The following PTBP2 variants were observed in gnomAD, a reference collection of about 807,000 sequenced individuals.
The protein encoded by PTBP2 is polypyrimidine tract binding protein 2.
A neutral mutation model predicts 61.4 loss-of-function variants in PTBP2; 13 were observed. The observed-to-expected ratio is 0.21, with a 90% confidence interval of 0.14 to 0.34. The LOEUF (loss-of-function observed/expected upper bound fraction) is 0.34, where lower values mean the gene tolerates loss of function less well. Among genes scored for constraint, PTBP2 ranks in the 10% least tolerant of loss-of-function variants. PTBP2 has a pLI of 1.00. For missense variants in PTBP2, 405 were observed against 642.6 expected (o/e 0.63, Z 4.00); for synonymous variants, 215 against 218.5 (o/e 0.98, Z 0.14).
At chr1:96,820,686 T>C (rs1056419532) in exon 14 of PTBP2, 4 of 152,032 alleles carry the variant, frequency 2.6e-5, no homozygotes, top group African/African-American at 9.7e-5. Flanking sequence ...CTTCAGGTCT[T>C]TTTCAAGATA....
chr1:96,724,168 C>T lies in PTBP2; in HGVS notation c.39+574C>T, dbSNP rs1407890667. ...CCTTCCTTTTTGGCTAAGAAAACTA[C>T]TCATCGTTTAAACTTTAGTTCTAAT... is the stretch of plus-strand genomic sequence containing the variant. On this transcript the variant is annotated intron_variant, in intron 2 of 13. Transcript: ENST00000674951. Among the ~76,000 whole-genome samples the T allele has an allele frequency of 2.6e-5, 4 of 152,264 alleles. No homozygotes were observed. In the South Asian group the frequency reaches 6.2e-4, roughly 24 times the overall value.
intron 2 of PTBP2, among the ~76,000 whole-genome samples, chr1:96,741,603 C>T (rs991252379): frequency 2.0e-5 from 3 of 152,120 alleles, no homozygotes; most frequent in African/African-American, 7.2e-5. Context: ...TCTCTCCTCT[C>T]TCTGACCTGT....
chr1:96,806,359 C>T, intron 9 of PTBP2, 60 bp from the exon 10 acceptor site: 5 of 1,309,110 alleles, frequency 3.8e-6, no homozygotes, highest in Non-Finnish European at 5.5e-6. Flanking sequence ...TTCATCTCCG[C>T]TCTTCCTCGA....
intron 3 of PTBP2, among the ~76,000 whole-genome samples, chr1:96,758,076 A>G (rs1189194152): frequency 6.6e-6 from 1 of 152,224 alleles, no homozygotes; most frequent in Non-Finnish European, 1.5e-5. Flanking sequence ...TATAACATAA[A>G]TAATATAAAG....
At chr1:96,729,235 T>A (rs1261317191) in intron 2 of PTBP2, among the ~76,000 whole-genome samples, 1 of 152,180 alleles carries the variant, frequency 6.6e-6, no homozygotes, top group Non-Finnish European at 1.5e-5. Flanking sequence ...TTGGCCAGGC[T>A]GGTCTGGAAC....
Position 96,737,746 on chromosome 1 carries a change from G to A in PTBP2, c.40-13679G>A, listed in dbSNP as rs527997058. On this transcript the variant is annotated intron_variant, in intron 2 of 13. Transcript: ENST00000674951. ...GTAGTTTTTGACAGTAATATGGAGA[G>A]CTTTGAGTGCAAAGGATTTGCAGTG... is the stretch of plus-strand genomic sequence containing the variant. Among the ~76,000 whole-genome samples the A allele has an allele frequency of 5.9e-5, 9 of 152,314 alleles. No homozygotes were observed. In the East Asian group the frequency reaches 1.7e-3, roughly 29 times the overall value.
chr1:96,813,149 T>A (rs1307455645), intron 13 of PTBP2, 43 bp downstream of exon 13: 2 of 1,559,836 alleles, frequency 1.3e-6, no homozygotes, highest in East Asian at 2.2e-5. Flanking sequence ...CCTGATAAAA[T>A]TTTTAAGTAG....
At chr1:96,722,953 A>G (rs1158298075) in intron 1 of PTBP2, among the ~76,000 whole-genome samples, 2 of 152,350 alleles carry the variant, frequency 1.3e-5, no homozygotes, top group South Asian at 2.1e-4. Context: ...TAAACATAGT[A>G]TCATTTAACA....
downstream of PTBP2, chr1:96,819,276 A>G (rs1215915386): frequency 6.6e-6 from 1 of 152,030 alleles, no homozygotes; most frequent in Non-Finnish European, 1.5e-5. Context: ...GATGACTGAT[A>G]TTCTCTGTGA....
At chr1:96,822,555 T>C (rs1323961118) in exon 14 of PTBP2, 5 of 152,236 alleles carry the variant, frequency 3.3e-5, no homozygotes, top group Admixed American at 3.3e-4. Flanking sequence ...CTAGTGAATT[T>C]ATGTTCATTA....
At chr1:96,777,224 A>T (rs895151367) in intron 5 of PTBP2, among the ~76,000 whole-genome samples, 1 of 152,168 alleles carries the variant, frequency 6.6e-6, no homozygotes, top group Admixed American at 6.6e-5. Flanking sequence ...TGTTTTATGG[A>T]GTGATTAATG....
intron 3 of PTBP2, among the ~76,000 whole-genome samples, chr1:96,761,814 A>G (rs1387887121): frequency 6.6e-6 from 1 of 152,024 alleles, no homozygotes; most frequent in Non-Finnish European, 1.5e-5. Flanking sequence ...TCATAGGACA[A>G]TAGTGGAGGG....
At chr1:96,751,151 G>A in intron 2 of PTBP2, 5 of 435,830 alleles carry the variant, frequency 1.1e-5, no homozygotes, top group South Asian at 1.1e-4. Context: ...AATTGAGATA[G>A]CTTTCCAAAG....
chr1:96,822,735 G>A (rs1055312404), exon 14 of PTBP2: 1 of 152,068 alleles, frequency 6.6e-6, no homozygotes. Flanking sequence ...TTGAATAAGA[G>A]TAAAAGAAAG....
At chr1:96,806,796 A>G in intron 10 of PTBP2, 70 bp from the exon 11 acceptor site, 1 of 1,126,364 alleles carries the variant, frequency 8.9e-7, no homozygotes. Context: ...TGTCAGAAAG[A>G]TAATCTTTAG....
intron 2 of PTBP2, among the ~76,000 whole-genome samples, chr1:96,725,760 TA>T (rs1650353050): frequency 6.6e-6 from 1 of 152,096 alleles, no homozygotes; most frequent in African/African-American, 2.4e-5. Flanking sequence ...GAATTTGCTT[TA>T]AAGACACTGA....
chr1:96,772,543 A>T (rs1657495488), intron 5 of PTBP2, among the ~76,000 whole-genome samples: 1 of 151,976 alleles, frequency 6.6e-6, no homozygotes, highest in Non-Finnish European at 1.5e-5. Flanking sequence ...GAAACTTTGT[A>T]CTTTGACCAT....
chr1:96,790,606 G>A (rs958857947), intron 8 of PTBP2, among the ~76,000 whole-genome samples: 9 of 152,056 alleles, frequency 5.9e-5, no homozygotes, highest in African/African-American at 2.2e-4. Flanking sequence ...TTCAATTTGT[G>A]CAGGACAATT....
At chr1:96,743,263 C>G (rs1334112450) in intron 2 of PTBP2, among the ~76,000 whole-genome samples, 1 of 114,624 alleles carries the variant, frequency 8.7e-6, no homozygotes, top group Non-Finnish European at 1.8e-5. Context: ...GGTGACAGAG[C>G]AAGACTCCGT....
Sources: gnomAD v4.1 joint callset for allele counts (sites outside exome capture counted in the v4.1 genomes callset) on GRCh38, gnomAD v4.1.1 for gene constraint, MANE v1.5 for transcripts, NCBI Gene and HGNC (gene_info 2026-07-23, HGNC 2026-07-21) for gene names.